The following BBOF1 variants were observed in gnomAD, a reference collection of about 807,000 sequenced individuals.
BBOF1 encodes the protein basal body-orientation factor 1.
In BBOF1, 62 loss-of-function variants were observed where a neutral mutation model predicts 68.0. That is an observed-to-expected ratio of 0.91 (90% CI 0.74 to 1.13). BBOF1 has a LOEUF of 1.13. Ranked by LOEUF, BBOF1 falls within the 50% of genes most tolerant of loss-of-function variation. BBOF1 has a pLI of 0.00. For missense variants in BBOF1, 534 were observed against 600.1 expected (o/e 0.89, Z 1.15); for synonymous variants, 208 against 198.8 (o/e 1.05, Z -0.39).
chr14:74,069,026 T>C, downstream of BBOF1: 1 of 1,607,102 alleles, frequency 6.2e-7, no homozygotes, highest in Non-Finnish European at 8.5e-7. Context: ...AGCAAATGGA[T>C]TCTCAACATG....
rs1441404105 is a variant in BBOF1 at position 74,034,065 on chromosome 14, G to A, written c.389G>A (p.Gly130Glu). ...KYTRQINELE[G>E]QFHQKAKEIG... is the part of the protein sequence containing the mutation. ...ACCAGGCAAATTAATGAACTAGAGG[G>A]ACAGTTCCATCAAAAAGCCAAAGAA... Residue 130 changes from glycine (G) to glutamate (E), a missense_variant, in exon 4 of 12, where the codon GGA becomes GAA. Coordinates refer to ENST00000394009, the MANE Select transcript of BBOF1 (RefSeq NM_025057.3). 1.9e-6 allele frequency: 3 copies of A among 1,607,908 alleles called. No individual in the cohort carries two copies. The highest frequency in any genetic ancestry group is 4.5e-5 in the East Asian group (2 of 44,348).
chr14:74,041,717 A>C (rs1004907216), intron 5 of BBOF1, among the ~76,000 whole-genome samples: 2 of 152,006 alleles, frequency 1.3e-5, no homozygotes, highest in African/African-American at 4.8e-5. Context: ...CATCACACCT[A>C]GCTAATTTTT....
At chr14:74,028,360 C>G (rs1056715340) in intron 2 of BBOF1, among the ~76,000 whole-genome samples, 5 of 151,944 alleles carry the variant, frequency 3.3e-5, no homozygotes, top group Admixed American at 3.3e-4. Flanking sequence ...CAGAGTGAGA[C>G]TCTGTCTCAA....
At chr14:74,058,581 C>T (rs2060271012) in intron 11 of BBOF1, 1 of 146,870 alleles carries the variant, frequency 6.8e-6, no homozygotes, top group South Asian at 2.3e-4. Context: ...ACAGGGTACA[C>T]AACATTTTCA....
intron 8 of BBOF1, among the ~76,000 whole-genome samples, chr14:74,053,483 C>T (rs2060115206): frequency 6.6e-6 from 1 of 151,540 alleles, no homozygotes; most frequent in South Asian, 2.1e-4. Context: ...TCATGGCTCA[C>T]TGCAGCCTTG....
chr14:74,069,152 T>C, downstream of BBOF1: 1 of 617,202 alleles, frequency 1.6e-6, no homozygotes, highest in Non-Finnish European at 2.5e-6. Context: ...TTGCCCAGGC[T>C]GGAGTGCAGT....
At chr14:74,029,093 T>C in intron 2 of BBOF1, 91 bp from the exon 3 acceptor site, 2 of 780,444 alleles carry the variant, frequency 2.6e-6, no homozygotes, top group Non-Finnish European at 4.2e-6. Context: ...GCCATATTGG[T>C]TTTAGTATTG....
At chr14:74,031,116 T>C (rs1193851066) in intron 3 of BBOF1, among the ~76,000 whole-genome samples, 1 of 148,170 alleles carries the variant, frequency 6.7e-6, no homozygotes, top group Non-Finnish European at 1.5e-5. Flanking sequence ...TTTCTTTTCT[T>C]TTCTTTTTTT....
downstream of BBOF1, chr14:74,069,101 C>CA (rs2060513189): frequency 1.1e-5 from 5 of 461,988 alleles, no homozygotes; most frequent in Non-Finnish European, 9.9e-6. Context: ...TTTACTTTTT[C>CA]TTTTTTTTTT....
chr14:74,035,077 A>G (rs7148058), intron 4 of BBOF1, among the ~76,000 whole-genome samples: 78,863 of 151,914 alleles, frequency 0.52, 21,147 homozygotes, highest in East Asian at 0.89. Context: ...GGGTGACAGT[A>G]AGACCATGTC....
At chr14:74,072,309 G>A in intron 9 of BBOF1, 1 of 1,614,240 alleles carries the variant, frequency 6.2e-7, no homozygotes, top group Non-Finnish European at 8.5e-7. Context: ...AGCAATGGCT[G>A]CATCCATTTC....
chr14:74,048,391 A>T, intron 7 of BBOF1: 1 of 180,026 alleles, frequency 5.6e-6, no homozygotes. Context: ...GGTGAGTAAC[A>T]GTCCTGACAT....
Position 74,065,059 on chromosome 14 carries a change from A to G in BBOF1, c.*360A>G. 7.1e-7 allele frequency: 1 copy of G among 1,407,146 alleles called. No homozygotes were observed. The highest frequency in any genetic ancestry group is 1.2e-5 in the South Asian group (1 of 83,698). 87.2% of individuals were successfully genotyped at this position (1,407,146 alleles called of 1,614,324 possible). On this transcript the variant is annotated 3_prime_UTR_variant, in exon 12 of 12. Coordinates refer to ENST00000394009, the MANE Select transcript of BBOF1 (RefSeq NM_025057.3). ...CCATGAACTTTCATTCCTGAGGAAG[A>G]AATGGGGCAATGTGGGAGGTCATGG...
Position 74,064,843 on chromosome 14 carries a change from G to T in BBOF1, c.*144G>T. 3 of 1,614,038 alleles carry T rather than the reference G, an allele frequency of 1.9e-6. No homozygotes were observed. Among genetic ancestry groups the T allele is most frequent in the Non-Finnish European group, 2.5e-6 (3 of 1,179,964 alleles). ...TTACCTGTTTGCCATAGAAATTGGT[G>T]TCTCCCCTGAAGGAGGATCGAGAGC... On this transcript the variant is annotated 3_prime_UTR_variant, in exon 12 of 12. Transcript: ENST00000394009.
At chr14:74,071,408 G>A (rs746792465) in intron 9 of BBOF1, 10 of 1,614,012 alleles carry the variant, frequency 6.2e-6, no homozygotes, top group East Asian at 2.2e-5. Context: ...AGAGGCAGAC[G>A]GTAGGAATAA....
At position 74,024,414 on chromosome 14, in the gene BBOF1, T is replaced by G. The variant is rs114967648; in HGVS notation, c.285+1270T>G. Reference sequence around the variant, plus strand: ...GAAGCTGCAGTGAGCCATGGTCATGTCACGGCAGTCCAACCTGGACATCAG... The same window carrying G: ...GAAGCTGCAGTGAGCCATGGTCATGGCACGGCAGTCCAACCTGGACATCAG... On this transcript the variant is annotated intron_variant, in intron 2 of 11. Coordinates refer to ENST00000394009, the MANE Select transcript of BBOF1 (RefSeq NM_025057.3). Among the ~76,000 whole-genome samples the G allele has an allele frequency of 8.9e-3, 1,359 of 152,266 alleles. 19 individuals are homozygous for G. The highest frequency in any genetic ancestry group is 0.031 in the African/African-American group (1,300 of 41,564).
intron 1 of BBOF1, among the ~76,000 whole-genome samples, chr14:74,020,724 G>C (rs530350991): frequency 6.6e-6 from 1 of 151,960 alleles, no homozygotes; most frequent in Admixed American, 6.6e-5. Context: ...GGCTGGTCTC[G>C]AACTCCTGAC....
In BBOF1 at chr14:74,065,057, A is replaced by G. The variant is rs1326738478; in HGVS notation, c.*358A>G. On this transcript the variant is annotated 3_prime_UTR_variant, in exon 12 of 12. Transcript: ENST00000394009. ...CCCCATGAACTTTCATTCCTGAGGA[A>G]GAAATGGGGCAATGTGGGAGGTCAT... 4 of 1,402,062 alleles carry G rather than the reference A, an allele frequency of 2.9e-6. No individual in the cohort carries two copies. The highest frequency in any genetic ancestry group is 4.0e-6 in the Non-Finnish European group (4 of 1,002,674). 86.9% of individuals were successfully genotyped at this position (1,402,062 alleles called of 1,614,324 possible).
chr14:74,065,381 A>G lies in BBOF1; in HGVS notation c.*682A>G, dbSNP rs1350359519. On this transcript the variant is annotated 3_prime_UTR_variant, in exon 12 of 12. Coordinates refer to ENST00000394009, the MANE Select transcript of BBOF1 (RefSeq NM_025057.3). ...TTTGGCTGCCAGGAGTGATGCATCC[A>G]GAAAAGAAGTCAGCTTTTTGGATTC... The G allele has an allele frequency of 6.2e-7, 1 of 1,612,502 alleles. No homozygotes were observed. The highest frequency in any genetic ancestry group is 8.5e-7 in the Non-Finnish European group (1 of 1,179,390).
Sources: allele counts gnomAD v4.1 joint callset (sites outside exome capture counted in the v4.1 genomes callset), GRCh38; gene constraint gnomAD v4.1.1; transcripts MANE v1.5; gene names NCBI Gene and HGNC (gene_info 2026-07-23, HGNC 2026-07-21).